ADAM12: variants seen among roughly 807,000 people sequenced by gnomAD.
ADAM12 encodes ADAM metallopeptidase domain 12, also known as disintegrin and metalloproteinase domain-containing protein 12.
ADAM12 carries 70 observed loss-of-function variants against 106.4 expected under a neutral mutation model. That is an observed-to-expected ratio of 0.66 (90% CI 0.54 to 0.80). The LOEUF is 0.80. ADAM12 is among the 30% of genes least tolerant of loss of function. The pLI is 0.00. For synonymous variants in ADAM12, 420 were observed against 433.5 expected, an observed-to-expected ratio of 0.97 and a Z score of 0.39; for missense variants, 1,010 against 1,171.9, an observed-to-expected ratio of 0.86 and a Z score of 2.02.
At chr10:126,156,823 G>GAA (rs1956825600) in intron 3 of ADAM12, among the ~76,000 whole-genome samples, 1 of 152,252 alleles carries the variant, frequency 6.6e-6, no homozygotes, top group South Asian at 2.1e-4. Context: ...GTCAGGGCCT[G>GAA]AAAGGCCTGG....
chr10:126,032,277 AAG>A (rs1953984830), intron 21 of ADAM12, among the ~76,000 whole-genome samples: 3 of 152,228 alleles, frequency 2.0e-5, no homozygotes. Flanking sequence ...GCTGCCAAAC[AAG>A]AGTCACCTCC....
intron 3 of ADAM12, among the ~76,000 whole-genome samples, chr10:126,269,530 C>T (rs1042475376): frequency 1.2e-4 from 18 of 152,170 alleles, no homozygotes; most frequent in Non-Finnish European, 1.3e-4. Context: ...CCAGCCTGCA[C>T]AGTATCTGCA....
chr10:126,358,637 C>T (rs375684524), intron 1 of ADAM12, among the ~76,000 whole-genome samples: 61 of 152,130 alleles, frequency 4.0e-4, no homozygotes, highest in African/African-American at 1.2e-3. Context: ...TGGAAGTCCT[C>T]GCCAGAGCAA....
intron 3 of ADAM12, among the ~76,000 whole-genome samples, chr10:126,264,711 T>C (rs1046441407): frequency 2.6e-5 from 4 of 152,212 alleles, no homozygotes; most frequent in Non-Finnish European, 5.9e-5. Flanking sequence ...TGCTTGTGAA[T>C]GAAACGTTGT....
chr10:126,147,923 T>G (rs951994213), intron 4 of ADAM12, among the ~76,000 whole-genome samples: 12 of 152,216 alleles, frequency 7.9e-5, no homozygotes, highest in Admixed American at 6.5e-5. Context: ...AACAGACGAA[T>G]GTATTCCCTC....
At chr10:126,169,365 T>C (rs1957079214) in intron 3 of ADAM12, among the ~76,000 whole-genome samples, 1 of 152,234 alleles carries the variant, frequency 6.6e-6, no homozygotes, top group African/African-American at 2.4e-5. Context: ...TCTCATTTAT[T>C]TGCTCTGTCA....
At chr10:126,145,306 C>T (rs1956605058) in intron 4 of ADAM12, among the ~76,000 whole-genome samples, 2 of 152,264 alleles carry the variant, frequency 1.3e-5, no homozygotes, top group South Asian at 4.1e-4. Flanking sequence ...GGTTCAGCTG[C>T]TCTCCCCCAA....
chr10:126,259,017 A>G (rs1958948452), intron 3 of ADAM12, among the ~76,000 whole-genome samples: 1 of 152,154 alleles, frequency 6.6e-6, no homozygotes, highest in Non-Finnish European at 1.5e-5. Context: ...GGTCAAAAAT[A>G]ATGGTTGAAT....
intron 3 of ADAM12, among the ~76,000 whole-genome samples, chr10:126,187,782 C>T (rs1957426847): frequency 6.6e-6 from 1 of 152,234 alleles, no homozygotes; most frequent in Admixed American, 6.5e-5. Context: ...GCTGGAATTA[C>T]TTGATGAGCT....
intron 21 of ADAM12, among the ~76,000 whole-genome samples, chr10:126,024,495 A>G (rs556639404): frequency 6.6e-6 from 1 of 152,328 alleles, no homozygotes; most frequent in Non-Finnish European, 1.5e-5. Context: ...TATACACTAC[A>G]AATTGGAACC....
At chr10:126,121,441 T>C in intron 5 of ADAM12, among the ~76,000 whole-genome samples, 1 of 134,412 alleles carries the variant, frequency 7.4e-6, no homozygotes, top group East Asian at 2.1e-4. Context: ...ATATATTGCA[T>C]ATTATATAAT....
At chr10:126,062,767 T>C (rs1954785074) in intron 14 of ADAM12, among the ~76,000 whole-genome samples, 1 of 152,190 alleles carries the variant, frequency 6.6e-6, no homozygotes, top group Admixed American at 6.5e-5. Context: ...CCAAGTGTTG[T>C]GTGTGCTCTG....
chr10:126,101,160 C>G lies in ADAM12; in HGVS notation c.823G>C (p.Asp275His), dbSNP rs1358418244. 1.2e-6 allele frequency: 2 copies of G among 1,614,122 alleles called. No individual in the cohort carries two copies. Among genetic ancestry groups the G allele is most frequent in the Admixed American group, 1.7e-5 (1 of 60,020 alleles). Residue 275 changes from aspartate (D) to histidine (H), a missense_variant, in exon 9 of 23, where the codon GAC becomes CAC. This residue lies in a region of ADAM12 where 391 missense variants were observed against 442.9 expected (regional missense o/e 0.88). Transcript: ENST00000448723. Reference protein sequence around the residue: ...NDMDKCSVSQDPFTSLHEFLD... With the variant: ...NDMDKCSVSQHPFTSLHEFLD... ...AATTCATGGAGGCTGGTGAATGGGT[C>G]CTGACTTACAGAGCATTTGTCCATG...
At chr10:126,079,464 A>C (rs1955169876) in intron 11 of ADAM12, among the ~76,000 whole-genome samples, 1 of 152,158 alleles carries the variant, frequency 6.6e-6, no homozygotes, top group South Asian at 2.1e-4. Flanking sequence ...CCCTTAGAAT[A>C]GTGTTCTCGA....
intron 3 of ADAM12, among the ~76,000 whole-genome samples, chr10:126,191,858 C>T (rs187684170): frequency 1.3e-5 from 2 of 152,256 alleles, no homozygotes; most frequent in Admixed American, 6.5e-5. Context: ...TTAATTGGCT[C>T]ATGGTTCTAC....
At chr10:126,155,621 C>T (rs1026352457) in intron 3 of ADAM12, among the ~76,000 whole-genome samples, 4 of 152,188 alleles carry the variant, frequency 2.6e-5, no homozygotes, top group Non-Finnish European at 4.4e-5. Flanking sequence ...CAAAGGCACA[C>T]ATTTGTCACA....
At position 126,071,874 on chromosome 10, in the gene ADAM12, T is replaced by G. The variant is rs112029249; in HGVS notation, c.1146-220A>C. On this transcript the variant is annotated intron_variant, in intron 11 of 22. Transcript: ENST00000448723. ...TTCCGTACAGTGCCAACGCGGCTGA[T>G]GAAGAAGTGCTTTATCAAAAAAGAA... 2.6e-3 allele frequency among the ~76,000 whole-genome samples: 399 copies of G among 152,330 alleles called. 3 individuals carry two copies. The highest frequency in any genetic ancestry group is 9.2e-3 in the African/African-American group (381 of 41,570).
chr10:126,137,088 T>A (rs1489771914), intron 4 of ADAM12, among the ~76,000 whole-genome samples: 1 of 152,222 alleles, frequency 6.6e-6, no homozygotes, highest in Non-Finnish European at 1.5e-5. Context: ...AGCTCTTTAA[T>A]CCATCTGGAA....
intron 2 of ADAM12, among the ~76,000 whole-genome samples, chr10:126,305,631 A>G (rs945470398): frequency 6.6e-6 from 1 of 151,968 alleles, no homozygotes; most frequent in African/African-American, 2.4e-5. Context: ...TTATCTTTTT[A>G]TTGTTTTACT....
Sources: gnomAD v4.1 joint callset for allele counts (sites outside exome capture counted in the v4.1 genomes callset) on GRCh38, gnomAD v4.1.1 for gene constraint, gnomAD v4.1.1 regional missense constraint, MANE v1.5 for transcripts, NCBI Gene and HGNC (gene_info 2026-07-23, HGNC 2026-07-21) for gene names.